PCDHGB3: variants seen among roughly 807,000 people sequenced by gnomAD.
The protein encoded by PCDHGB3 is protocadherin gamma subfamily B, 3.
In PCDHGB3, 40 loss-of-function variants were observed where a neutral mutation model predicts 59.2. The observed-to-expected ratio is 0.68, with a 90% CI of 0.52 to 0.88. PCDHGB3 has a LOEUF of 0.88. PCDHGB3 is among the 40% of genes least tolerant of loss of function. The pLI is 0.00. For missense variants in PCDHGB3, 1,309 were observed against 1,187.9 expected (o/e 1.10, Z -1.50); for synonymous variants, 581 against 503.6 (o/e 1.15, Z -2.06).
At chr5:141,442,837 A>C (rs2098346617) in intron 1 of PCDHGB3, among the ~76,000 whole-genome samples, 1 of 152,202 alleles carries the variant, frequency 6.6e-6, no homozygotes, top group South Asian at 2.1e-4. Flanking sequence ...GGGAGGGACA[A>C]ATCTTGGCCA....
In PCDHGB3 at chr5:141,477,602, C is replaced by G. The variant is rs772296229; in HGVS notation, c.2416-17205C>G. ...GCAGAATGCTCGGCTTTCTTTCTTT[C>G]TCTTGGAGCAAGGAGCTGAAACCGG... On this transcript the variant is annotated intron_variant, in intron 1 of 3. Coordinates refer to ENST00000576222, the MANE Select transcript of PCDHGB3 (RefSeq NM_018924.5). This position sits in a 1 kb window ranked among gnomAD's most constrained non-coding sequence, Gnocchi z 4.9. 6.2e-7 allele frequency: 1 copy of G among 1,614,098 alleles called. No homozygotes were observed. Among genetic ancestry groups the G allele is most frequent in the East Asian group, 2.2e-5 (1 of 44,898 alleles).
intron 2 of PCDHGB3, among the ~76,000 whole-genome samples, chr5:141,495,644 A>G (rs767670166): frequency 5.3e-5 from 8 of 151,770 alleles, no homozygotes; most frequent in Non-Finnish European, 1.0e-4. Context: ...TCATTTGTCT[A>G]CTTGCATTGA....
chr5:141,404,497 T>C, intron 1 of PCDHGB3: 1 of 1,613,930 alleles, frequency 6.2e-7, no homozygotes, highest in Non-Finnish European at 8.5e-7. Context: ...GTGTGCTGTA[T>C]GCTCTGTGCT....
intron 1 of PCDHGB3, chr5:141,478,367 C>T (rs2099451272): frequency 1.2e-6 from 2 of 1,613,750 alleles, no homozygotes; most frequent in South Asian, 2.2e-5. Context: ...GCGGGGAGGC[C>T]TGATGTCGCC....
chr5:141,420,511 A>G (rs958868048), intron 1 of PCDHGB3: 23 of 419,992 alleles, frequency 5.5e-5, no homozygotes, highest in Middle Eastern at 6.5e-4. Context: ...ATTTTTATGA[A>G]GTAAAATACC....
Position 141,476,036 on chromosome 5 carries a change from A to T in PCDHGB3, c.2416-18771A>T. ...ATGTCGGACTCGGCGCCCAGCGCCC[A>T]AGCGCTAACCCGCTGAAAGTTTCTC... On this transcript the variant is annotated intron_variant, in intron 1 of 3. Coordinates refer to ENST00000576222, the MANE Select transcript of PCDHGB3 (RefSeq NM_018924.5). This position sits in a 1 kb window ranked among gnomAD's most constrained non-coding sequence, Gnocchi z 7.6. 1.4e-6 allele frequency: 2 copies of T among 1,471,164 alleles called. No individual in the cohort carries two copies. The highest frequency in any genetic ancestry group is 1.8e-6 in the Non-Finnish European group (2 of 1,106,602). 91.1% of individuals were successfully genotyped at this position (1,471,164 alleles called of 1,614,324 possible).
At chr5:141,388,893 G>A in intron 1 of PCDHGB3, 1 of 1,613,982 alleles carries the variant, frequency 6.2e-7, no homozygotes. Context: ...AGAAGTCATA[G>A]ATGAAAATGA....
chr5:141,430,790 A>G, intron 1 of PCDHGB3: 1 of 1,516,892 alleles, frequency 6.6e-7, no homozygotes, highest in South Asian at 1.3e-5. Context: ...CCGGGACTAC[A>G]AAGGGCTTGT....
chr5:141,413,803 G>A (rs1331029473), intron 1 of PCDHGB3: 3 of 1,613,142 alleles, frequency 1.9e-6, no homozygotes, highest in Non-Finnish European at 1.7e-6. Flanking sequence ...CGAGGAAGAG[G>A]CCATTCACCA....
chr5:141,449,484 A>G (rs1003440539), intron 1 of PCDHGB3, among the ~76,000 whole-genome samples: 2 of 150,848 alleles, frequency 1.3e-5, no homozygotes, highest in Non-Finnish European at 3.0e-5. Context: ...CCCCATGCCT[A>G]AGGGTGAGGC....
Position 141,491,994 on chromosome 5 carries a change from C to T in PCDHGB3, c.2416-2813C>T. On this transcript the variant is annotated intron_variant, in intron 1 of 3. Transcript: ENST00000576222. This position sits in a 1 kb window ranked among gnomAD's most constrained non-coding sequence, Gnocchi z 6.9. ...CCTCCTTCGAGCTTCCGGTGAATTT[C>T]GGGCGATTTCCGCGGGTGTCGGGGG... The T allele has an allele frequency of 4.3e-6, 3 of 693,016 alleles. No individual in the cohort carries two copies. The allele number at this position is 693,016 out of a possible 1,614,324, so 42.9% of individuals were successfully genotyped here.
chr5:141,508,139 G>C (rs1243018384), intron 3 of PCDHGB3: 1 of 152,514 alleles, frequency 6.6e-6, no homozygotes, highest in African/African-American at 2.4e-5. Flanking sequence ...CAGGGAGCTG[G>C]GGGCTGAGTT....
In PCDHGB3 at chr5:141,372,282, CG is replaced by C. The variant is rs1768601013; in HGVS notation, c.1889del (p.Arg630LeufsTer33). On this transcript the variant is annotated frameshift_variant, in exon 1 of 4. Coordinates refer to ENST00000576222, the MANE Select transcript of PCDHGB3 (RefSeq NM_018924.5). LOFTEE classifies it high-confidence loss of function. ...GCGCACGGGTGAGGTGCGCACGGCG[CG>C]TACCTTGGGCGACAGGGAGGCCGCC... ...GLRTGEVRTARTLGDREAARQ... is the reference protein window; with the variant it reads ...GLRTGEVRTAXTLGDREAARQ... 1 of 1,613,084 alleles carries C rather than the reference CG, an allele frequency of 6.2e-7. No individual in the cohort carries two copies. The highest frequency in any genetic ancestry group is 1.3e-5 in the African/African-American group (1 of 74,948).
intron 1 of PCDHGB3, chr5:141,403,850 G>T: frequency 6.2e-7 from 1 of 1,613,634 alleles, no homozygotes; most frequent in Non-Finnish European, 8.5e-7. Context: ...AAATACTGGG[G>T]AAATATCAAC....
In PCDHGB3 at chr5:141,476,707, G is replaced by A. The variant is rs1309848893; in HGVS notation, c.2416-18100G>A. 6.2e-7 allele frequency: 1 copy of A among 1,614,206 alleles called. No individual in the cohort carries two copies. The highest frequency in any genetic ancestry group is 1.7e-5 in the Admixed American group (1 of 60,032). On this transcript the variant is annotated intron_variant, in intron 1 of 3. Coordinates refer to ENST00000576222, the MANE Select transcript of PCDHGB3 (RefSeq NM_018924.5). This position sits in a 1 kb window ranked among gnomAD's most constrained non-coding sequence, Gnocchi z 7.6. ...ACAGCACCAAGTACGCGGAGCTGGT[G>A]TTGGAGCGCGCCCTGGACCGAGAAC...
intron 2 of PCDHGB3, among the ~76,000 whole-genome samples, chr5:141,503,324 C>T (rs1389385473): frequency 7.9e-5 from 12 of 152,014 alleles, no homozygotes; most frequent in South Asian, 2.1e-4. Context: ...TGGAGGGGCG[C>T]GGTGGCTCAC....
At chr5:141,418,130 G>A in intron 1 of PCDHGB3, 3 of 1,614,106 alleles carry the variant, frequency 1.9e-6, no homozygotes, top group Non-Finnish European at 2.5e-6. Flanking sequence ...GGACCGAATA[G>A]ACCGTGAGCA....
intron 1 of PCDHGB3, chr5:141,403,465 G>C (rs1268345736): frequency 6.2e-7 from 1 of 1,614,018 alleles, no homozygotes; most frequent in Non-Finnish European, 8.5e-7. Context: ...AGAGCTACCA[G>C]CTCAGCCCCA....
chr5:141,426,491 G>A, intron 1 of PCDHGB3: 1 of 336,822 alleles, frequency 3.0e-6, no homozygotes, highest in South Asian at 2.4e-5. Flanking sequence ...CTTAGAGTTA[G>A]TGCAGAGAAA....
Sources: allele counts gnomAD v4.1 joint callset (sites outside exome capture counted in the v4.1 genomes callset), GRCh38; gene constraint gnomAD v4.1.1; non-coding constraint Gnocchi (gnomAD v3.1); transcripts MANE v1.5; gene names NCBI Gene and HGNC (gene_info 2026-07-23, HGNC 2026-07-21).